Variants in SLIT2 observed in about 807,000 individuals in gnomAD.
SLIT2 encodes the protein slit homolog 2 protein.
Under a neutral mutation model 185.7 loss-of-function variants are expected in SLIT2, and 41 were observed. The ratio of observed to expected loss-of-function variants is 0.22; its 90% CI spans 0.17 to 0.29. The LOEUF (loss-of-function observed/expected upper bound fraction) is 0.29, where lower values mean the gene tolerates loss of function less well. Among genes scored for constraint, SLIT2 ranks in the 10% least tolerant of loss-of-function variants. The pLI is 1.00. For synonymous variants in SLIT2, 693 were observed against 680.2 expected (o/e 1.02, Z -0.29); for missense variants, 1,571 against 1,909.0 (o/e 0.82, Z 3.30).
intron 29 of SLIT2, among the ~76,000 whole-genome samples, chr4:20,573,515 G>A (rs988870636): frequency 2.6e-5 from 4 of 152,142 alleles, no homozygotes; most frequent in African/African-American, 9.7e-5. Context: ...GTGGGAAGAA[G>A]GGGTGGCTAG....
chr4:20,599,799 G>A (rs921256719), intron 33 of SLIT2, among the ~76,000 whole-genome samples: 1 of 152,070 alleles, frequency 6.6e-6, no homozygotes, highest in African/African-American at 2.4e-5. Context: ...AAAAGAATAG[G>A]CATTGATTAT....
At chr4:20,481,658 G>T (rs534104936) in intron 6 of SLIT2, among the ~76,000 whole-genome samples, 1 of 151,806 alleles carries the variant, frequency 6.6e-6, no homozygotes, top group Non-Finnish European at 1.5e-5. Context: ...AAAAGTTATC[G>T]AGAAATCATA....
intron 4 of SLIT2, among the ~76,000 whole-genome samples, chr4:20,322,904 A>G (rs1461781941): frequency 6.6e-6 from 1 of 152,262 alleles, no homozygotes; most frequent in South Asian, 2.1e-4. Flanking sequence ...GCTCTTAGGG[A>G]CACTGTTTGT....
chr4:20,568,287 A>C (rs894732324), intron 28 of SLIT2, among the ~76,000 whole-genome samples: 1 of 152,102 alleles, frequency 6.6e-6, no homozygotes, highest in Non-Finnish European at 1.5e-5. Context: ...ATTCATCTAG[A>C]CTTTACTCAA....
At chr4:20,514,967 A>G (rs1340152238) in intron 11 of SLIT2, among the ~76,000 whole-genome samples, 2 of 152,232 alleles carry the variant, frequency 1.3e-5, no homozygotes, top group Admixed American at 1.3e-4. Flanking sequence ...TTAAGAATTC[A>G]GCATACTAGT....
At chr4:20,340,888 A>G (rs560850888) in intron 4 of SLIT2, among the ~76,000 whole-genome samples, 23 of 152,350 alleles carry the variant, frequency 1.5e-4, no homozygotes, top group African/African-American at 5.1e-4. Context: ...GGCGTGAGCC[A>G]CCGTGCCCGG....
intron 29 of SLIT2, among the ~76,000 whole-genome samples, chr4:20,573,821 C>A (rs1196681592): frequency 6.6e-6 from 1 of 151,728 alleles, no homozygotes; most frequent in African/African-American, 2.4e-5. Flanking sequence ...TATAGGATAC[C>A]GTGACTACTA....
intron 5 of SLIT2, 58 bp from the exon 6 acceptor site, chr4:20,480,658 C>G: frequency 7.4e-7 from 1 of 1,355,650 alleles, no homozygotes; most frequent in Non-Finnish European, 1.1e-6. Context: ...AACTTCTCAT[C>G]ACCTACCCCA....
chr4:20,561,706 C>T (rs1489243131), intron 26 of SLIT2, among the ~76,000 whole-genome samples: 1 of 151,440 alleles, frequency 6.6e-6, no homozygotes, highest in African/African-American at 2.4e-5. Flanking sequence ...ATAGTTGTAT[C>T]TTGGAAATTA....
intron 9 of SLIT2, among the ~76,000 whole-genome samples, chr4:20,493,541 A>G (rs1449313493): frequency 6.6e-6 from 1 of 152,218 alleles, no homozygotes; most frequent in African/African-American, 2.4e-5. Context: ...AGAGATGAAC[A>G]CATCAAGTTC....
At chr4:20,485,966 A>G (rs980357048) in intron 6 of SLIT2, among the ~76,000 whole-genome samples, 3 of 152,318 alleles carry the variant, frequency 2.0e-5, no homozygotes, top group Admixed American at 1.3e-4. Context: ...CAAACATGCT[A>G]TGAATGAAGC....
intron 4 of SLIT2, among the ~76,000 whole-genome samples, chr4:20,389,661 C>G (rs922752608): frequency 1.3e-5 from 2 of 151,808 alleles, no homozygotes; most frequent in Non-Finnish European, 2.9e-5. Flanking sequence ...GCTTTAGCAA[C>G]CAGAGGTGAG....
intron 18 of SLIT2, among the ~76,000 whole-genome samples, chr4:20,534,004 T>C (rs753669806): frequency 6.6e-5 from 10 of 152,144 alleles, no homozygotes; most frequent in African/African-American, 1.9e-4. Flanking sequence ...CTGCCTTCGA[T>C]GTGTTCATAG....
chr4:20,584,366 G>T (rs1435540578), intron 29 of SLIT2, among the ~76,000 whole-genome samples: 1 of 152,200 alleles, frequency 6.6e-6, no homozygotes, highest in Non-Finnish European at 1.5e-5. Flanking sequence ...CTTCACTCCA[G>T]AGTATTATCA....
chr4:20,346,858 T>C (rs570504680), intron 4 of SLIT2, among the ~76,000 whole-genome samples: 2 of 152,272 alleles, frequency 1.3e-5, no homozygotes, highest in South Asian at 4.1e-4. Context: ...ACCGGAAGGA[T>C]CAGCAAGTCT....
chr4:20,262,369 G>A (rs558378577), intron 3 of SLIT2, among the ~76,000 whole-genome samples: 1 of 151,904 alleles, frequency 6.6e-6, no homozygotes, highest in Admixed American at 6.6e-5. Context: ...TAGAGAATAT[G>A]TTGTGGAACA....
chr4:20,291,492 ATTTTTTTTTTTTTTTTTTTTTTT>A (rs1157453738), intron 4 of SLIT2, among the ~76,000 whole-genome samples: 42 of 18,252 alleles, frequency 2.3e-3, no homozygotes, highest in South Asian at 0.02. Context: ...ATATATATAT[ATTTTTTTTTTTTTTTTTTTTTTT>A]TTTTTTTTAC....
At chr4:20,306,172 G>A (rs1470995155) in intron 4 of SLIT2, among the ~76,000 whole-genome samples, 2 of 152,224 alleles carry the variant, frequency 1.3e-5, no homozygotes, top group Non-Finnish European at 2.9e-5. Context: ...GCAGCAGGGG[G>A]CAGTAGAACA....
rs747347296 is a variant in SLIT2 at position 20,618,890 on chromosome 4, T to C, written c.4471T>C (p.Cys1491Arg). Reference protein sequence around the residue: ...ECRGGCAGGQCCGPLRSKRRK... With the variant: ...ECRGGCAGGQRCGPLRSKRRK... Reference sequence around the variant, plus strand: ...CAGAGGTGGGTGTGCAGGAGGGCAGTGCTGTGGACCGCTGAGGAGCAAGCG... The same window carrying C: ...CAGAGGTGGGTGTGCAGGAGGGCAGCGCTGTGGACCGCTGAGGAGCAAGCG... The change falls in exon 37 of 37, where the codon TGC (cysteine) becomes CGC (arginine). Residue 1491 changes from cysteine (C) to arginine (R), a missense_variant. By Grantham distance (180) the Cys-to-Arg change is radical. Coordinates refer to ENST00000504154, the MANE Select transcript of SLIT2 (RefSeq NM_004787.4). 1 of 1,614,112 alleles carries C rather than the reference T, an allele frequency of 6.2e-7. No individual in the cohort carries two copies. Among genetic ancestry groups the C allele is most frequent in the South Asian group, 1.1e-5 (1 of 91,080 alleles).
Sources: allele counts gnomAD v4.1 joint callset (sites outside exome capture counted in the v4.1 genomes callset), GRCh38; gene constraint gnomAD v4.1.1; transcripts MANE v1.5; gene names NCBI Gene and HGNC (gene_info 2026-07-23, HGNC 2026-07-21).